Variants in POU2F2 observed in about 807,000 individuals in gnomAD.
POU2F2 encodes POU domain, class 2, transcription factor 2.
A neutral mutation model predicts 63.5 loss-of-function variants in POU2F2; 14 were observed. That is an observed-to-expected ratio of 0.22 (90% confidence interval 0.15 to 0.34). POU2F2 has a LOEUF of 0.34. POU2F2 is among the 10% of genes least tolerant of loss of function. POU2F2 has a pLI of 1.00. For synonymous variants in POU2F2, 306 were observed against 348.6 expected (o/e 0.88, Z 1.36); for missense variants, 607 against 815.2 (o/e 0.74, Z 3.11).
Position 42,091,855 on chromosome 19 carries a change from G to A in POU2F2, c.1540+12C>T. On this transcript the variant is annotated intron_variant, in intron 14 of 14. Coordinates refer to ENST00000692977, the MANE Select transcript of POU2F2 (RefSeq NM_001394376.1). The stretch of plus-strand genomic sequence containing the variant: ...GCTGGTGACGATGGGTGTGACATGA[G>A]GCAGCACGCACCTTGGATAGTGGCC... 1.9e-6 allele frequency: 3 copies of A among 1,538,884 alleles called. No individual in the cohort carries two copies. The highest frequency in any genetic ancestry group is 2.6e-6 in the Non-Finnish European group (3 of 1,146,900).
In POU2F2 at chr19:42,095,963, A is replaced by G. The variant is rs1293753160; in HGVS notation, c.730-34T>C. The G allele has an allele frequency of 5.7e-6, 9 of 1,567,540 alleles. No individual in the cohort carries two copies. The highest frequency in any genetic ancestry group is 1.4e-5 in the African/African-American group (1 of 72,914). On this transcript the variant is annotated intron_variant, in intron 8 of 14. Transcript: ENST00000692977. The surrounding 1 kb of genome is among the most constrained non-coding windows in gnomAD (Gnocchi z 7.1). ...GTGGGGCGGGGAAGGGCCCGAAGTC[A>G]GGGTGGGGCCTTCCGGCACTGGGCC... is the stretch of plus-strand genomic sequence containing the variant.
intron 2 of POU2F2, among the ~76,000 whole-genome samples, chr19:42,150,845 T>A (rs1008144297): frequency 6.6e-6 from 1 of 151,886 alleles, no homozygotes; most frequent in East Asian, 2.0e-4. Flanking sequence ...CAGGCCCCTA[T>A]CCACAGGGTG....
At chr19:42,112,992 G>A (rs574467236) in intron 5 of POU2F2, among the ~76,000 whole-genome samples, 10 of 152,212 alleles carry the variant, frequency 6.6e-5, no homozygotes, top group African/African-American at 2.2e-4. Context: ...CCTGAGTTCA[G>A]ATCCCACCTC....
upstream of POU2F2, among the ~76,000 whole-genome samples, chr19:42,134,018 TA>T (rs1453293084): frequency 2.0e-5 from 3 of 152,252 alleles, no homozygotes; most frequent in East Asian, 5.8e-4. Context: ...TCCCGTATCG[TA>T]AAGGCCATTT....
chr19:42,121,598 C>G (rs1471056805), intron 4 of POU2F2, among the ~76,000 whole-genome samples: 1 of 152,182 alleles, frequency 6.6e-6, no homozygotes, highest in Admixed American at 6.5e-5. Context: ...GACCTGCCTG[C>G]TACCCCTGGA....
intron 2 of POU2F2, among the ~76,000 whole-genome samples, chr19:42,150,416 G>T (rs1034506800): frequency 6.6e-6 from 1 of 151,418 alleles, no homozygotes; most frequent in African/African-American, 2.4e-5. Context: ...TGGCAGGGGA[G>T]GGGGTGGAGA....
At chr19:42,129,101 G>A (rs1225871334) in intron 1 of POU2F2, among the ~76,000 whole-genome samples, 1 of 152,018 alleles carries the variant, frequency 6.6e-6, no homozygotes, top group Non-Finnish European at 1.5e-5. Context: ...CCAAAGTGCT[G>A]GGATTACAGG....
intron 1 of POU2F2, among the ~76,000 whole-genome samples, chr19:42,131,719 G>A (rs868289034): frequency 2.0e-5 from 3 of 152,162 alleles, no homozygotes; most frequent in South Asian, 2.1e-4. Flanking sequence ...GCAGTGATAC[G>A]TGCCGTGAAG....
chr19:42,094,734 T>C (rs1326143856), intron 11 of POU2F2, among the ~76,000 whole-genome samples: 2 of 152,142 alleles, frequency 1.3e-5, no homozygotes, highest in Non-Finnish European at 2.9e-5. Flanking sequence ...TGGCTAACTC[T>C]CCCTTGTCCT....
chr19:42,176,572 T>G (rs1022091240), upstream of POU2F2, among the ~76,000 whole-genome samples: 2 of 151,272 alleles, frequency 1.3e-5, no homozygotes, highest in African/African-American at 4.9e-5. Flanking sequence ...CCTCCACGCC[T>G]CTCCTTTCCT....
intron 2 of POU2F2, among the ~76,000 whole-genome samples, chr19:42,151,962 CA>C (rs1260090903): frequency 2.0e-5 from 3 of 152,180 alleles, no homozygotes; most frequent in Non-Finnish European, 4.4e-5. Flanking sequence ...GGCAGGAAAC[CA>C]ACATAGACAG....
At chr19:42,113,195 T>C (rs1315273773) in intron 5 of POU2F2, among the ~76,000 whole-genome samples, 3 of 152,268 alleles carry the variant, frequency 2.0e-5, no homozygotes, top group South Asian at 2.1e-4. Flanking sequence ...TCCCCCCTAC[T>C]CTCCAATATA....
At chr19:42,135,371 G>A (rs976041196), upstream of POU2F2, among the ~76,000 whole-genome samples, 20 of 152,010 alleles carry the variant, frequency 1.3e-4, no homozygotes, top group Non-Finnish European at 2.8e-4. Context: ...CTTCAGCAGC[G>A]CCCAGGCCAG....
chr19:42,158,882 C>T (rs767659577), intron 2 of POU2F2, among the ~76,000 whole-genome samples: 5 of 151,806 alleles, frequency 3.3e-5, no homozygotes, highest in South Asian at 2.1e-4. Context: ...ACTCTCTTTT[C>T]GAGGATGTGA....
chr19:42,110,371 G>A (rs1039705974), intron 5 of POU2F2, among the ~76,000 whole-genome samples: 1 of 152,186 alleles, frequency 6.6e-6, no homozygotes, highest in Non-Finnish European at 1.5e-5. Flanking sequence ...TCTGGTGGTG[G>A]GACGCACTGC....
intron 11 of POU2F2, among the ~76,000 whole-genome samples, chr19:42,094,216 G>C (rs1181264372): frequency 6.6e-6 from 1 of 152,120 alleles, no homozygotes; most frequent in Non-Finnish European, 1.5e-5. Context: ...TGATATTGTT[G>C]GTTCTGCAAA....
intron 1 of POU2F2, among the ~76,000 whole-genome samples, chr19:42,173,900 G>A (rs1025417648): frequency 4.6e-5 from 7 of 152,142 alleles, no homozygotes; most frequent in Admixed American, 1.3e-4. Context: ...ATGTGGAATC[G>A]CATTATCAGC....
chr19:42,103,863 G>A (rs987804793), intron 5 of POU2F2, among the ~76,000 whole-genome samples: 1 of 151,488 alleles, frequency 6.6e-6, no homozygotes, highest in African/African-American at 2.4e-5. Flanking sequence ...TCGATCTCCT[G>A]ACCTCGTGAT....
chr19:42,093,780 T>C (rs2076820640), intron 12 of POU2F2, 49 bp downstream of exon 12: 1 of 1,562,172 alleles, frequency 6.4e-7, no homozygotes, highest in Non-Finnish European at 8.8e-7. Context: ...GGCTCCAGCC[T>C]GTGCCACATC....
Sources: gnomAD v4.1 joint callset for allele counts (sites outside exome capture counted in the v4.1 genomes callset) on GRCh38, gnomAD v4.1.1 for gene constraint, Gnocchi (gnomAD v3.1) non-coding constraint, MANE v1.5 for transcripts, NCBI Gene and HGNC (gene_info 2026-07-23, HGNC 2026-07-21) for gene names.